Variants in ARHGEF1 observed in about 807,000 individuals in gnomAD.
The protein encoded by ARHGEF1 is Rho guanine nucleotide exchange factor 1.
A neutral mutation model predicts 119.7 loss-of-function variants in ARHGEF1; 40 were observed. The observed-to-expected ratio is 0.33, with a 90% CI of 0.26 to 0.44. The LOEUF (loss-of-function observed/expected upper bound fraction) is 0.44, where lower values mean the gene tolerates loss of function less well. ARHGEF1 is among the 20% of genes least tolerant of loss of function. The pLI is 1.00. For missense variants in ARHGEF1, 976 were observed against 1,268.3 expected (o/e 0.77, Z 3.50); for synonymous variants, 494 against 521.0 (o/e 0.95, Z 0.71).
intron 18 of ARHGEF1, among the ~76,000 whole-genome samples, chr19:41,914,490 C>T (rs2074774984): frequency 1.3e-5 from 2 of 151,646 alleles, no homozygotes; most frequent in South Asian, 4.2e-4. Context: ...CTCCATCTTC[C>T]CAGTGTGTCC....
intron 13 of ARHGEF1, chr19:41,897,112 G>A (rs1214855830): frequency 6.3e-5 from 8 of 127,784 alleles, no homozygotes; most frequent in Non-Finnish European, 6.4e-5. Flanking sequence ...CCCCCGCCTC[G>A]CTCCTGCCTC....
In ARHGEF1 at chr19:41,905,281, G is replaced by C; in HGVS notation, c.2336+20G>C. On this transcript the variant is annotated intron_variant, in intron 24 of 28. Transcript: ENST00000354532. This position sits in a 1 kb window ranked among gnomAD's most constrained non-coding sequence, Gnocchi z 6.4. ...GAGCAGGTGAGGGGGGCCATGGAGA[G>C]AGCTGGAGGTTCAGGGAGTGGGGCC... 1 of 1,600,840 alleles carries C rather than the reference G, an allele frequency of 6.2e-7. No individual in the cohort carries two copies. Among genetic ancestry groups the C allele is most frequent in the Non-Finnish European group, 8.5e-7 (1 of 1,173,716 alleles).
chr19:41,885,646 G>A (rs564880438), intron 1 of ARHGEF1, among the ~76,000 whole-genome samples: 94 of 152,238 alleles, frequency 6.2e-4, no homozygotes, highest in African/African-American at 2.2e-3. Context: ...ATTTTTAGTA[G>A]AGACAGGGTT....
At position 41,907,144 on chromosome 19, in the gene ARHGEF1, A is replaced by C. The variant is rs781788947; in HGVS notation, c.*57A>C. Reference sequence around the variant, plus strand: ...GGAGAGGAATGGGGGAGAGGACGTGAGGGACCACCCCCACCCACACAGCTG... The same window carrying C: ...GGAGAGGAATGGGGGAGAGGACGTGCGGGACCACCCCCACCCACACAGCTG... On this transcript the variant is annotated 3_prime_UTR_variant, in exon 29 of 29. Coordinates refer to ENST00000354532, the MANE Select transcript of ARHGEF1 (RefSeq NM_004706.4). 16 of 1,531,364 alleles carry C rather than the reference A, an allele frequency of 1.0e-5. No individual in the cohort carries two copies. Among genetic ancestry groups the C allele is most frequent in the Non-Finnish European group, 1.3e-5 (15 of 1,144,838 alleles). The allele number at this position is 1,531,364 out of a possible 1,614,324, so 94.9% of individuals were successfully genotyped here.
At chr19:41,890,488 A>G (rs1251831233) in intron 4 of ARHGEF1, 1 of 151,930 alleles carries the variant, frequency 6.6e-6, no homozygotes, top group Non-Finnish European at 1.5e-5. Flanking sequence ...TCTACTAAAA[A>G]TATGAAAATT....
intron 13 of ARHGEF1, chr19:41,897,436 G>T: frequency 1.2e-6 from 1 of 821,448 alleles, no homozygotes; most frequent in Non-Finnish European, 1.6e-6. Flanking sequence ...GTGAGGGGTG[G>T]GTGGGGACAT....
At position 41,905,363 on chromosome 19, in the gene ARHGEF1, A is replaced by C. The variant is rs1599664404; in HGVS notation, c.2336+102A>C. The C allele has an allele frequency of 9.5e-7, 1 of 1,050,402 alleles. No homozygotes were observed. Among genetic ancestry groups the C allele is most frequent in the East Asian group, 2.4e-5 (1 of 41,308 alleles). The allele number at this position is 1,050,402 out of a possible 1,614,324, so 65.1% of individuals were successfully genotyped here. A position where few individuals can be genotyped will look rare whatever the true frequency, so the allele number is the denominator to read the frequency against. On this transcript the variant is annotated intron_variant, in intron 24 of 28. Transcript: ENST00000354532. This position sits in a 1 kb window ranked among gnomAD's most constrained non-coding sequence, Gnocchi z 6.4. ...CAGAACCGTCTCTGTGTGAGCATGC[A>C]CATGTGTGAATGCATGTGTGTGCAT...
intron 9 of ARHGEF1, 28 bp downstream of exon 9, chr19:41,894,334 C>T: frequency 6.6e-7 from 1 of 1,521,444 alleles, no homozygotes; most frequent in Non-Finnish European, 8.8e-7. Flanking sequence ...CCGTCCTGAC[C>T]CTTTCCTCTC....
intron 1 of ARHGEF1, among the ~76,000 whole-genome samples, chr19:41,885,555 G>A (rs995010906): frequency 3.3e-5 from 5 of 152,152 alleles, no homozygotes; most frequent in African/African-American, 7.2e-5. Context: ...TCCGCCTCCC[G>A]GATTCAAGCG....
chr19:41,925,779 G>A (rs1379939238), intron 1 of ARHGEF1, among the ~76,000 whole-genome samples: 4 of 152,136 alleles, frequency 2.6e-5, no homozygotes, highest in Admixed American at 6.5e-5. Context: ...GGATGTGAGC[G>A]ACAGGTGTGC....
In ARHGEF1 at chr19:41,896,830, ATCCTCTCTCACCTCCCCCC is replaced by A. The variant is rs1160061225; in HGVS notation, c.1121+362_1121+380del. 141 of 128,942 alleles carry A rather than the reference ATCCTCTCTCACCTCCCCCC, an allele frequency of 1.1e-3. 1 individual carries two copies. The highest frequency in any genetic ancestry group is 6.7e-3 in the Admixed American group (100 of 14,974). 8.0% of individuals were successfully genotyped at this position (128,942 alleles called of 1,614,324 possible). A position where few individuals can be genotyped will look rare whatever the true frequency, so the allele number is the denominator to read the frequency against. ...TCCCCTCTCCTCTCTCACCTCCCCC[ATCCTCTCTCACCTCCCCCC>A]TCCTCTCTCACCTACCCCCTCCTCT... On this transcript the variant is annotated intron_variant, in intron 13 of 28. Transcript: ENST00000354532.
chr19:41,887,443 A>G (rs2074310461), intron 1 of ARHGEF1, among the ~76,000 whole-genome samples: 1 of 152,020 alleles, frequency 6.6e-6, no homozygotes, highest in Non-Finnish European at 1.5e-5. Flanking sequence ...GGAAGAGATG[A>G]GGTCCCTGGG....
rs908118316 is a variant in ARHGEF1 at position 41,906,698 on chromosome 19, A to G, written c.2656-5A>G. 11 of 1,604,802 alleles carry G rather than the reference A, an allele frequency of 6.9e-6. No homozygotes were observed. Among genetic ancestry groups the G allele is most frequent in the Admixed American group, 1.7e-5 (1 of 58,034 alleles). ...CCCCCTCATCCATGACCCCCACCCC[A>G]CCAGGAGTTGGAGGAGGAATTTTGC... On this transcript the variant is annotated splice_region_variant and splice_polypyrimidine_tract_variant and intron_variant, in intron 27 of 28. Coordinates refer to ENST00000354532, the MANE Select transcript of ARHGEF1 (RefSeq NM_004706.4). This position sits in a 1 kb window ranked among gnomAD's most constrained non-coding sequence, Gnocchi z 4.5.
Position 41,906,130 on chromosome 19 carries a change from C to T in ARHGEF1, c.2491+105C>T. The T allele has an allele frequency of 8.5e-7, 1 of 1,173,282 alleles. No homozygotes were observed. The highest frequency in any genetic ancestry group is 1.2e-6 in the Non-Finnish European group (1 of 814,962). The allele number at this position is 1,173,282 out of a possible 1,614,324, so 72.7% of individuals were successfully genotyped here. A position where few individuals can be genotyped will look rare whatever the true frequency, so the allele number is the denominator to read the frequency against. On this transcript the variant is annotated intron_variant, in intron 26 of 28. Coordinates refer to ENST00000354532, the MANE Select transcript of ARHGEF1 (RefSeq NM_004706.4). This position sits in a 1 kb window ranked among gnomAD's most constrained non-coding sequence, Gnocchi z 4.5. ...CAAAAATTTCCTTACGCCCAGCTGC[C>T]AGAAAACAAATGCTCCAAACCCACC...
At chr19:41,930,122 A>G (rs571512352) in exon 3 of ARHGEF1, 2 of 152,342 alleles carry the variant, frequency 1.3e-5, no homozygotes, top group Admixed American at 1.3e-4. Flanking sequence ...CTCATTAAAA[A>G]TATTAAGAAT....
intron 12 of ARHGEF1, among the ~76,000 whole-genome samples, chr19:41,895,773 T>C (rs960806027): frequency 6.6e-6 from 1 of 152,108 alleles, no homozygotes; most frequent in Non-Finnish European, 1.5e-5. Context: ...TTCCAGAACC[T>C]TCCCTGAGTA....
At chr19:41,927,306 C>T (rs2074877443) in intron 1 of ARHGEF1, among the ~76,000 whole-genome samples, 1 of 152,146 alleles carries the variant, frequency 6.6e-6, no homozygotes, top group Non-Finnish European at 1.5e-5. Flanking sequence ...GGCCTGTACT[C>T]CTTGCCCCGA....
chr19:41,906,703 G>A lies in ARHGEF1; in HGVS notation c.2656G>A (p.Glu886Lys). The change falls in exon 28 of 29, where the codon GAG (glutamate) becomes AAG (lysine). Residue 886 changes from glutamate to lysine, a missense_variant and splice_region_variant. This residue lies in a region of ARHGEF1 where 171 missense variants were observed against 180.6 expected (regional missense o/e 0.95). Transcript: ENST00000354532. The surrounding 1 kb of genome is among the most constrained non-coding windows in gnomAD (Gnocchi z 4.5). ...TCATCCATGACCCCCACCCCACCAG[G>A]AGTTGGAGGAGGAATTTTGCCGCCT... is the stretch of plus-strand genomic sequence containing the variant. ...SLEETMKQLE[E>K]LEEEFCRLRP... is the part of the protein sequence containing the mutation. 6.2e-7 allele frequency: 1 copy of A among 1,608,548 alleles called. No individual in the cohort carries two copies. The highest frequency in any genetic ancestry group is 2.2e-5 in the East Asian group (1 of 44,634).
intron 1 of ARHGEF1, among the ~76,000 whole-genome samples, chr19:41,885,263 C>G (rs2074276560): frequency 6.6e-6 from 1 of 152,182 alleles, no homozygotes; most frequent in Non-Finnish European, 1.5e-5. Context: ...ATCTCCAACC[C>G]CCAAGCCTCT....
Sources: allele counts gnomAD v4.1 joint callset (sites outside exome capture counted in the v4.1 genomes callset), GRCh38; gene constraint gnomAD v4.1.1; regional missense constraint gnomAD v4.1.1; non-coding constraint Gnocchi (gnomAD v3.1); transcripts MANE v1.5; gene names NCBI Gene and HGNC (gene_info 2026-07-23, HGNC 2026-07-21).